The following GPR180 variants were observed in gnomAD, a reference collection of about 807,000 sequenced individuals.
GPR180 encodes the protein integral membrane protein GPR180.
Under a neutral mutation model 52.6 loss-of-function variants are expected in GPR180, and 53 were observed. The observed-to-expected ratio is 1.01, with a 90% CI of 0.81 to 1.27. The LOEUF is 1.27. Ranked by LOEUF, GPR180 falls within the 50% of genes most tolerant of loss-of-function variation. The pLI, the probability that GPR180 is intolerant of heterozygous loss-of-function variation, is 0.00. For synonymous variants in GPR180, 200 were observed against 193.1 expected, an observed-to-expected ratio of 1.04 and a Z score of -0.30; for missense variants, 533 against 527.0, an observed-to-expected ratio of 1.01 and a Z score of -0.11.
Position 94,629,366 on chromosome 13 carries a change from G to T in GPR180, c.*2195G>T, listed in dbSNP as rs1320480610. 6.6e-6 allele frequency: 1 copy of T among 152,026 alleles called. No individual in the cohort carries two copies. Among genetic ancestry groups the T allele is most frequent in the African/African-American group, 2.4e-5 (1 of 41,408 alleles). The allele number at this position is 152,026 out of a possible 1,614,324, so 9.4% of individuals were successfully genotyped here. A position where few individuals can be genotyped will look rare whatever the true frequency, so the allele number is the denominator to read the frequency against. ...AATGGTTCATCCAGAGCTTTATTAA[G>T]AAGCATTTCTTTTCTTCCCTTAAAA... On this transcript the variant is annotated 3_prime_UTR_variant, in exon 9 of 9. Transcript: ENST00000376958.
At chr13:94,616,346 T>G (rs1889777498) in intron 3 of GPR180, among the ~76,000 whole-genome samples, 1 of 152,214 alleles carries the variant, frequency 6.6e-6, no homozygotes, top group Admixed American at 6.5e-5. Flanking sequence ...GGATATATCT[T>G]GAGACACGTG....
intron 3 of GPR180, among the ~76,000 whole-genome samples, chr13:94,614,511 GT>G (rs1889752107): frequency 6.6e-6 from 1 of 152,080 alleles, no homozygotes; most frequent in Non-Finnish European, 1.5e-5. Context: ...GATCACATTT[GT>G]GCCCTGTGCC....
At chr13:94,604,485 GCAGGAGAAT>G (rs1889604137) in intron 1 of GPR180, among the ~76,000 whole-genome samples, 1 of 152,140 alleles carries the variant, frequency 6.6e-6, no homozygotes, top group African/African-American at 2.4e-5. Flanking sequence ...GGAAGCTGAG[GCAGGAGAAT>G]CAGGAGAATC....
chr13:94,620,147 T>G (rs1889833658), intron 5 of GPR180, among the ~76,000 whole-genome samples: 3 of 152,228 alleles, frequency 2.0e-5, no homozygotes, highest in Admixed American at 2.0e-4. Context: ...TACTTCCACA[T>G]GTCAGTCAGC....
intron 7 of GPR180, among the ~76,000 whole-genome samples, chr13:94,624,952 C>CTCTG (rs1365062622): frequency 1.3e-5 from 2 of 152,034 alleles, no homozygotes; most frequent in Non-Finnish European, 2.9e-5. Flanking sequence ...CTGTTTCAGT[C>CTCTG]TCTGGCATGT....
In GPR180 at chr13:94,627,254, A is replaced by G. The variant is rs1416443698; in HGVS notation, c.*83A>G. The stretch of plus-strand genomic sequence containing the variant: ...AAATACAGTGACTTTTTTTTCATAC[A>G]TTTAGTATGAAAACTTGAACAGCGA... On this transcript the variant is annotated 3_prime_UTR_variant, in exon 9 of 9. Coordinates refer to ENST00000376958, the MANE Select transcript of GPR180 (RefSeq NM_180989.6). 2 of 1,158,788 alleles carry G rather than the reference A, an allele frequency of 1.7e-6. No individual in the cohort carries two copies. The highest frequency in any genetic ancestry group is 1.6e-5 in the African/African-American group (1 of 64,504). 71.8% of individuals were successfully genotyped at this position (1,158,788 alleles called of 1,614,324 possible). A position where few individuals can be genotyped will look rare whatever the true frequency, so the allele number is the denominator to read the frequency against.
Position 94,602,070 on chromosome 13 carries a change from A to AT in GPR180, c.144dup (p.Gly49TrpfsTer2). 1.4e-6 allele frequency: 2 copies of AT among 1,380,790 alleles called. No homozygotes were observed. Among genetic ancestry groups the AT allele is most frequent in the Non-Finnish European group, 1.9e-6 (2 of 1,063,226 alleles). The allele number at this position is 1,380,790 out of a possible 1,614,324, so 85.5% of individuals were successfully genotyped here. On this transcript the variant is annotated frameshift_variant and splice_region_variant, in exon 1 of 9. Transcript: ENST00000376958. LOFTEE classifies it high-confidence loss of function. ...CAGCGCATCGGCCACTTCGAGTTCC[A>AT]TGGTAGGTCTGGGGGCGGGGAGGGG...
intron 3 of GPR180, among the ~76,000 whole-genome samples, chr13:94,614,389 A>G (rs921439321): frequency 6.6e-6 from 1 of 152,106 alleles, no homozygotes; most frequent in South Asian, 2.1e-4. Flanking sequence ...GATCCATGAG[A>G]CTTTTCTGGA....
In GPR180 at chr13:94,602,021, A is replaced by C. The variant is rs558392985; in HGVS notation, c.94A>C (p.Thr32Pro). ...GKTLRGSFSS[T>P]AAQDAQGQRI... ...GACCCTGCGGGGCAGCTTCAGCAGC[A>C]CCGCGGCCCAGGACGCCCAGGGCCA... Residue 32 changes from threonine (T) to proline (P), a missense_variant, in exon 1 of 9, where the codon ACC (threonine) becomes CCC (proline). By Grantham distance (38) the Thr-to-Pro change is conservative. Coordinates refer to ENST00000376958, the MANE Select transcript of GPR180 (RefSeq NM_180989.6). 43 of 1,464,200 alleles carry C rather than the reference A, an allele frequency of 2.9e-5. No individual in the cohort carries two copies. The African/African-American group carries it at 5.9e-4, about 20-fold the overall frequency. 90.7% of individuals were successfully genotyped at this position (1,464,200 alleles called of 1,614,324 possible).
At chr13:94,620,440 T>G (rs991658955) in intron 5 of GPR180, among the ~76,000 whole-genome samples, 2 of 152,252 alleles carry the variant, frequency 1.3e-5, no homozygotes, top group Admixed American at 1.3e-4. Flanking sequence ...TTTTGATACA[T>G]CTTTTCTGTT....
At chr13:94,602,827 C>CTT (rs1889577980) in intron 1 of GPR180, among the ~76,000 whole-genome samples, 1 of 152,184 alleles carries the variant, frequency 6.6e-6, no homozygotes. Flanking sequence ...CATTTGCACT[C>CTT]TCACAATTTA....
chr13:94,602,788 G>T (rs1281563985), intron 1 of GPR180, among the ~76,000 whole-genome samples: 1 of 152,096 alleles, frequency 6.6e-6, no homozygotes, highest in African/African-American at 2.4e-5. Flanking sequence ...TTCAATAAAT[G>T]CATTTGCAAT....
rs1214965675 is a variant in GPR180, at chr13:94,629,602, T to A, written c.*2431T>A. On this transcript the variant is annotated 3_prime_UTR_variant, in exon 9 of 9. Transcript: ENST00000376958. The stretch of plus-strand genomic sequence containing the variant: ...ACCTTCATGATTTAAGGAACATGTA[T>A]TAGCTGTGTTTTAGTGAGAATGAAT... 1 of 152,210 alleles carries A rather than the reference T, an allele frequency of 6.6e-6. No homozygotes were observed. The highest frequency in any genetic ancestry group is 1.5e-5 in the Non-Finnish European group (1 of 68,030). 9.4% of individuals were successfully genotyped at this position (152,210 alleles called of 1,614,324 possible).
Position 94,623,160 on chromosome 13 carries a change from C to CA in GPR180, c.947dup (p.His316GlnfsTer67). ...TGAAGATATCAGTCATCATAGCTAC[C>CA]ATTCACACCACAACTTAGCAGGGAT... On this transcript the variant is annotated frameshift_variant, in exon 7 of 9. Transcript: ENST00000376958. LOFTEE classifies it high-confidence loss of function. 1 of 1,613,852 alleles carries CA rather than the reference C, an allele frequency of 6.2e-7. No individual in the cohort carries two copies. The highest frequency in any genetic ancestry group is 8.5e-7 in the Non-Finnish European group (1 of 1,179,898).
At chr13:94,626,879 A>G in intron 8 of GPR180, 134 bp from the exon 9 acceptor site, 1 of 700,454 alleles carries the variant, frequency 1.4e-6, no homozygotes, top group Non-Finnish European at 2.1e-6. Flanking sequence ...TTTTTTTGAT[A>G]AAATGTACCT....
chr13:94,619,003 T>C, intron 3 of GPR180, 147 bp from the exon 4 acceptor site: 1 of 658,490 alleles, frequency 1.5e-6, no homozygotes, highest in South Asian at 3.1e-5. Context: ...TAAGTTTTAA[T>C]AATTTTTTTT....
intron 2 of GPR180, among the ~76,000 whole-genome samples, chr13:94,610,704 A>G (rs1889691742): frequency 1.3e-5 from 2 of 152,210 alleles, no homozygotes; most frequent in South Asian, 2.1e-4. Flanking sequence ...CACCAACCTA[A>G]TAGTTTTAGG....
intron 5 of GPR180, among the ~76,000 whole-genome samples, chr13:94,620,069 T>A (rs1168636720): frequency 6.6e-6 from 1 of 152,194 alleles, no homozygotes; most frequent in Non-Finnish European, 1.5e-5. Flanking sequence ...CATCTTATCC[T>A]CAATAGAAAA....
intron 5 of GPR180, among the ~76,000 whole-genome samples, chr13:94,620,614 T>C (rs1019161821): frequency 2.0e-5 from 3 of 152,212 alleles, no homozygotes; most frequent in Non-Finnish European, 2.9e-5. Context: ...TTAATAGTTT[T>C]AGAAAATACT....
Sources: gnomAD v4.1 joint callset for allele counts (sites outside exome capture counted in the v4.1 genomes callset) on GRCh38, gnomAD v4.1.1 for gene constraint, MANE v1.5 for transcripts, NCBI Gene and HGNC (gene_info 2026-07-23, HGNC 2026-07-21) for gene names.